The following TMEM184A variants were observed in gnomAD, a reference collection of about 807,000 sequenced individuals.
TMEM184A encodes the protein sexually dimorphic, expressed in male gonads 1.
TMEM184A carries 40 observed loss-of-function variants against 39.5 expected under a neutral mutation model. The ratio of observed to expected loss-of-function variants is 1.01; its 90% CI spans 0.79 to 1.32. The LOEUF is 1.32. TMEM184A is among the 40% of genes most tolerant of loss of function. TMEM184A has a pLI of 0.00. For missense variants in TMEM184A, 603 were observed against 568.8 expected (o/e 1.06, Z -0.61); for synonymous variants, 280 against 252.3 (o/e 1.11, Z -1.04).
At chr7:1,552,947 C>T (rs189437681) in intron 2 of TMEM184A, among the ~76,000 whole-genome samples, 61 of 151,930 alleles carry the variant, frequency 4.0e-4, no homozygotes, top group African/African-American at 1.2e-3. Context: ...CCCAGCTACT[C>T]GGGAGGCTGA....
At chr7:1,549,542 C>G (rs1053089559) in intron 6 of TMEM184A, 1 of 517,678 alleles carries the variant, frequency 1.9e-6, no homozygotes, top group East Asian at 5.4e-5. Flanking sequence ...AGACGCTAGA[C>G]TCACCCCAGC....
In TMEM184A at chr7:1,546,936, GGCAGCCCAGGCCCCCCTACA is replaced by G; in HGVS notation, c.1238_*15del. 6.6e-7 allele frequency: 1 copy of G among 1,513,542 alleles called. No homozygotes were observed. The highest frequency in any genetic ancestry group is 8.8e-7 in the Non-Finnish European group (1 of 1,135,604). 93.8% of individuals were successfully genotyped at this position (1,513,542 alleles called of 1,614,324 possible). A position where few individuals can be genotyped will look rare whatever the true frequency, so the allele number is the denominator to read the frequency against. On this transcript the variant is annotated stop_lost and 3_prime_UTR_variant, in exon 9 of 9. Coordinates refer to ENST00000297477, the MANE Select transcript of TMEM184A (RefSeq NM_001097620.2). ...GGGCAGCCTGGGTCCCTACAGCACT[GGCAGCCCAGGCCCCCCTACA>G]GGTCCTCCGAGGGGATCAGCATCCG...
chr7:1,547,313 C>G, intron 8 of TMEM184A, 132 bp from the exon 9 acceptor site: 2 of 637,404 alleles, frequency 3.1e-6, no homozygotes, highest in African/African-American at 1.8e-5. Flanking sequence ...GAGGGTGGCC[C>G]CAGACCCCTG....
rs771593801 is a variant in TMEM184A, at chr7:1,555,456, G to A, written c.29C>T (p.Thr10Ile). MSNVSGILE[T>I]AGVPLVSANW... is the part of the protein sequence containing the mutation. The stretch of plus-strand genomic sequence containing the variant: ...CGCTGACACCAGGGGGACGCCGGCT[G>A]TCTCCAGGATCCCTGAGACATTACT... The change falls in exon 2 of 9, where the codon ACA (threonine) becomes ATA (isoleucine). Residue 10 changes from threonine to isoleucine, a missense_variant. Physicochemically the swap from Thr to Ile is moderately conservative, Grantham distance 89 (BLOSUM62 -1). Coordinates refer to ENST00000297477, the MANE Select transcript of TMEM184A (RefSeq NM_001097620.2). This position sits in a 1 kb window ranked among gnomAD's most constrained non-coding sequence, Gnocchi z 5.2. 1.9e-6 allele frequency: 3 copies of A among 1,608,980 alleles called. No homozygotes were observed. In the Admixed American group the frequency reaches 5.0e-5, roughly 27 times the overall value.
chr7:1,542,976 T>A lies in TMEM184A; in HGVS notation c.*3976A>T, dbSNP rs1035680221. On this transcript the variant is annotated 3_prime_UTR_variant, in exon 9 of 9. Transcript: ENST00000297477. Reference sequence around the variant, plus strand: ...CCGTCCCTGCGGCCACCACCTAATTTATTGCCGTGCGTCCTGCTGCTGTGA... The same window carrying A: ...CCGTCCCTGCGGCCACCACCTAATTAATTGCCGTGCGTCCTGCTGCTGTGA... 2.0e-5 allele frequency: 3 copies of A among 152,742 alleles called. No individual in the cohort carries two copies. Among genetic ancestry groups the A allele is most frequent in the Admixed American group, 2.0e-4 (3 of 15,288 alleles). The allele number at this position is 152,742 out of a possible 1,614,324, so 9.5% of individuals were successfully genotyped here. A position where few individuals can be genotyped will look rare whatever the true frequency, so the allele number is the denominator to read the frequency against.
At chr7:1,551,229 C>T (rs1784582533) in intron 2 of TMEM184A, among the ~76,000 whole-genome samples, 1 of 134,122 alleles carries the variant, frequency 7.5e-6, no homozygotes, top group Non-Finnish European at 1.6e-5. Context: ...CACCCGGTAC[C>T]CCTGCACCAG....
At chr7:1,548,069 GA>G in intron 7 of TMEM184A, 130 bp from the exon 8 acceptor site, 1 of 1,063,176 alleles carries the variant, frequency 9.4e-7, no homozygotes, top group Non-Finnish European at 1.3e-6. Flanking sequence ...CCCACCCCAG[GA>G]GACTGAGGTT....
Position 1,547,855 on chromosome 7 carries a change from A to T in TMEM184A, c.899T>A (p.Leu300Gln). Residue 300 changes from leucine to glutamine, a missense_variant, in exon 8 of 9, where the codon CTG becomes CAG. Leu to Gln is a moderately radical substitution (Grantham distance 113). Coordinates refer to ENST00000297477, the MANE Select transcript of TMEM184A (RefSeq NM_001097620.2). Reference protein sequence around the residue: ...SGGNKLGAGTLAAGYQNFIIC... With the variant: ...SGGNKLGAGTQAAGYQNFIIC... ...GATGAAGTTCTGGTAGCCGGCGGCC[A>T]GCGTGCCAGCCCCCAGCTTGTTCCC... The T allele has an allele frequency of 6.2e-7, 1 of 1,606,512 alleles. No individual in the cohort carries two copies. The highest frequency in any genetic ancestry group is 8.5e-7 in the Non-Finnish European group (1 of 1,176,986).
At chr7:1,548,032 G>T (rs901949448) in intron 7 of TMEM184A, 93 bp from the exon 8 acceptor site, 7 of 1,357,690 alleles carry the variant, frequency 5.2e-6, no homozygotes, top group Non-Finnish European at 7.0e-6. Context: ...TCTGACGGGT[G>T]CTGTGACCCC....
At chr7:1,549,355 C>T (rs1470466605) in intron 6 of TMEM184A, 2 of 394,508 alleles carry the variant, frequency 5.1e-6, no homozygotes, top group Admixed American at 2.8e-5. Flanking sequence ...TGTGGACCTT[C>T]GCAGGGGTCC....
Position 1,546,710 on chromosome 7 carries a change from C to G in TMEM184A, c.*242G>C, listed in dbSNP as rs370955071. On this transcript the variant is annotated 3_prime_UTR_variant, in exon 9 of 9. Transcript: ENST00000297477. The stretch of plus-strand genomic sequence containing the variant: ...TGGGTGATCCCAGGGGGTCCCCAGG[C>G]TCTTCCGATTGGCTCAGGTGCCCTC... The G allele has an allele frequency of 2.4e-4, 115 of 469,598 alleles. 3 individuals are homozygous for G. The highest frequency in any genetic ancestry group is 2.2e-3 in the East Asian group (64 of 28,766). 29.1% of individuals were successfully genotyped at this position (469,598 alleles called of 1,614,324 possible). A position where few individuals can be genotyped will look rare whatever the true frequency, so the allele number is the denominator to read the frequency against.
chr7:1,550,767 CG>C, intron 3 of TMEM184A, 49 bp downstream of exon 3: 17 of 1,600,884 alleles, frequency 1.1e-5, no homozygotes, highest in Non-Finnish European at 1.4e-5. Context: ...ACGCAGGCCC[CG>C]GGGAGTCTCT....
At position 1,548,639 on chromosome 7, in the gene TMEM184A, T is replaced by G. The variant is rs565552927; in HGVS notation, c.694A>C (p.Ser232Arg). The G allele has an allele frequency of 6.2e-7, 1 of 1,613,902 alleles. No individual in the cohort carries two copies. The highest frequency in any genetic ancestry group is 8.5e-7 in the Non-Finnish European group (1 of 1,179,984). Residue 232 changes from serine to arginine, a missense_variant, in exon 7 of 9, where the codon AGC (serine) becomes CGC (arginine). Physicochemically the swap from Ser to Arg is moderately radical, Grantham distance 110. Coordinates refer to ENST00000297477, the MANE Select transcript of TMEM184A (RefSeq NM_001097620.2). ...YVTLIYNASV[S>R]LALYALFLFY... ...AGGAACAGGGCGTAGAGGGCGAGGC[T>G]GACGGAGGCGTTGTAGATGAGGGTC...
chr7:1,552,118 C>G (rs1469725396), intron 2 of TMEM184A, among the ~76,000 whole-genome samples: 1 of 151,930 alleles, frequency 6.6e-6, no homozygotes. Flanking sequence ...ATTGGGACTA[C>G]AGGTGTGCAC....
rs1412675516 is a variant in TMEM184A, at chr7:1,548,976, T to C, written c.645-288A>G. ...GATCCTGTCCACTGCTCAGGCAGCA[T>C]CCAGGCTGCCTCTGTCGGAACGCCA... On this transcript the variant is annotated intron_variant, in intron 6 of 8. Transcript: ENST00000297477. 12 of 600,640 alleles carry C rather than the reference T, an allele frequency of 2.0e-5. No individual in the cohort carries two copies. The African/African-American group carries it at 2.0e-4, about 10-fold the overall frequency. 37.2% of individuals were successfully genotyped at this position (600,640 alleles called of 1,614,324 possible).
At position 1,555,624 on chromosome 7, in the gene TMEM184A, C is replaced by T. The variant is rs376195141; in HGVS notation, c.1-140G>A. 15 of 699,098 alleles carry T rather than the reference C, an allele frequency of 2.1e-5. No homozygotes were observed. Among genetic ancestry groups the T allele is most frequent in the Middle Eastern group, 3.7e-4 (1 of 2,684 alleles). The allele number at this position is 699,098 out of a possible 1,614,324, so 43.3% of individuals were successfully genotyped here. ...CACCCACCAGGCCGCACCCCCCACACGGACACCAGCGCCAGGCCCGGCTCC... is the reference window on the plus strand; with the variant it reads ...CACCCACCAGGCCGCACCCCCCACATGGACACCAGCGCCAGGCCCGGCTCC... On this transcript the variant is annotated intron_variant, in intron 1 of 8. Transcript: ENST00000297477. The surrounding 1 kb of genome is among the most constrained non-coding windows in gnomAD (Gnocchi z 5.2).
In TMEM184A at chr7:1,543,752, C is replaced by T. The variant is rs891589254; in HGVS notation, c.*3200G>A. The stretch of plus-strand genomic sequence containing the variant: ...CAAGCAATCCTCCCATCTCAGCCTC[C>T]TGAGTAGCTGGGACCGCCGGCACGC... On this transcript the variant is annotated 3_prime_UTR_variant, in exon 9 of 9. Coordinates refer to ENST00000297477, the MANE Select transcript of TMEM184A (RefSeq NM_001097620.2). 1 of 152,272 alleles carries T rather than the reference C, an allele frequency of 6.6e-6. No homozygotes were observed. The highest frequency in any genetic ancestry group is 2.4e-5 in the African/African-American group (1 of 41,454). 9.4% of individuals were successfully genotyped at this position (152,272 alleles called of 1,614,324 possible). A position where few individuals can be genotyped will look rare whatever the true frequency, so the allele number is the denominator to read the frequency against.
Position 1,548,668 on chromosome 7 carries a change from T to C in TMEM184A, c.665A>G (p.Tyr222Cys), listed in dbSNP as rs1187297776. The change falls in exon 7 of 9, where the codon TAT becomes TGT. Residue 222 changes from tyrosine to cysteine, a missense_variant. Transcript: ENST00000297477. The part of the protein sequence containing the change: ...GDFNVRSGYL[Y>C]VTLIYNASVS... ...GGAGGCGTTGTAGATGAGGGTCACATAGAGGTAGCCGCTGCGGACACTAGG... is the reference window on the plus strand; with the variant it reads ...GGAGGCGTTGTAGATGAGGGTCACACAGAGGTAGCCGCTGCGGACACTAGG... The C allele has an allele frequency of 8.7e-6, 14 of 1,613,502 alleles. No homozygotes were observed. The highest frequency in any genetic ancestry group is 2.7e-5 in the African/African-American group (2 of 74,888).
rs1407469624 is a variant in TMEM184A, at chr7:1,548,015, C to A, written c.815-76G>T. 4.8e-6 allele frequency: 7 copies of A among 1,467,756 alleles called. No individual in the cohort carries two copies. In the African/African-American group the frequency reaches 8.4e-5, roughly 18 times the overall value. 90.9% of individuals were successfully genotyped at this position (1,467,756 alleles called of 1,614,324 possible). ...GAGGAAGAGGCCCCAGACCCCGCAG[C>A]GGCTCCTCTGACGGGTGCTGTGACC... On this transcript the variant is annotated intron_variant, in intron 7 of 8. Coordinates refer to ENST00000297477, the MANE Select transcript of TMEM184A (RefSeq NM_001097620.2).
Sources: allele counts gnomAD v4.1 joint callset (sites outside exome capture counted in the v4.1 genomes callset), GRCh38; gene constraint gnomAD v4.1.1; non-coding constraint Gnocchi (gnomAD v3.1); transcripts MANE v1.5; gene names NCBI Gene and HGNC (gene_info 2026-07-23, HGNC 2026-07-21).